The following DPP10 variants were observed in gnomAD, a reference collection of about 807,000 sequenced individuals.
DPP10 encodes the protein inactive dipeptidyl peptidase 10.
In DPP10, 33 loss-of-function variants were observed where a neutral mutation model predicts 120.9. That is an observed-to-expected ratio of 0.27 (90% CI 0.21 to 0.37). The LOEUF (loss-of-function observed/expected upper bound fraction) is 0.37. Ranked by LOEUF, DPP10 falls within the 10% of genes least tolerant of loss-of-function variation. The probability of loss-of-function intolerance (pLI) is 1.00; values close to 1 mark genes in which losing one functional copy is unlikely to be tolerated. For synonymous variants in DPP10, 337 were observed against 326.1 expected (o/e 1.03, Z -0.36); for missense variants, 816 against 942.8 (o/e 0.87, Z 1.76).
chr2:115,381,162 C>T (rs899703888), intron 3 of DPP10, among the ~76,000 whole-genome samples: 2 of 152,160 alleles, frequency 1.3e-5, no homozygotes, highest in Non-Finnish European at 2.9e-5. Flanking sequence ...CAACTTGGTT[C>T]CATTCTCCCC....
At chr2:115,791,001 G>A (rs574157762) in intron 17 of DPP10, 80 bp from the exon 18 acceptor site, 2 of 958,868 alleles carry the variant, frequency 2.1e-6, no homozygotes, top group Non-Finnish European at 1.6e-6. Flanking sequence ...GGTAACAAGT[G>A]GATAATTTTT....
chr2:114,472,845 G>A (rs1337030591), intron 1 of DPP10, among the ~76,000 whole-genome samples: 1 of 152,194 alleles, frequency 6.6e-6, no homozygotes, highest in Non-Finnish European at 1.5e-5. Context: ...AAGTAAGTTG[G>A]TGTAAAATCC....
chr2:115,211,207 GCTTA>G (rs1212823212), intron 1 of DPP10, among the ~76,000 whole-genome samples: 1 of 149,080 alleles, frequency 6.7e-6, no homozygotes, highest in African/African-American at 2.5e-5. Context: ...AAGTTGAGTT[GCTTA>G]CTTAGTTTCT....
chr2:115,152,873 C>T lies in DPP10; in HGVS notation c.61-156366C>T, dbSNP rs186029854. Among the ~76,000 whole-genome samples the T allele has an allele frequency of 9.9e-5, 15 of 152,204 alleles. No homozygotes were observed. In the East Asian group the frequency reaches 2.1e-3, roughly 22 times the overall value. ...GTTAACCCGCCAGGTTTATGGATGT[C>T]GGCAAAAGACATGAGACTGAGGGTC... On this transcript the variant is annotated intron_variant, in intron 1 of 25. Transcript: ENST00000410059.
intron 1 of DPP10, among the ~76,000 whole-genome samples, chr2:115,178,324 G>C (rs754102565): frequency 1.3e-5 from 2 of 152,126 alleles, no homozygotes; most frequent in African/African-American, 4.8e-5. Context: ...AGACAATCCA[G>C]GTTCAAAGCC....
chr2:115,055,616 C>T (rs1705837902), intron 1 of DPP10, among the ~76,000 whole-genome samples: 1 of 152,114 alleles, frequency 6.6e-6, no homozygotes, highest in South Asian at 2.1e-4. Context: ...ATTAATATCT[C>T]ATGAGCAAAC....
chr2:114,907,399 G>A (rs889199428), intron 1 of DPP10, among the ~76,000 whole-genome samples: 6 of 151,784 alleles, frequency 4.0e-5, no homozygotes, highest in African/African-American at 1.5e-4. Flanking sequence ...ACGCTATTTA[G>A]TTGGGATCTT....
intron 4 of DPP10, among the ~76,000 whole-genome samples, chr2:115,515,315 A>G (rs2077444794): frequency 1.3e-5 from 2 of 152,034 alleles, no homozygotes; most frequent in Admixed American, 1.3e-4. Flanking sequence ...AATCAAACCC[A>G]CCAATAGTGT....
chr2:114,517,430 G>A (rs1368868350), intron 1 of DPP10, among the ~76,000 whole-genome samples: 2 of 151,474 alleles, frequency 1.3e-5, no homozygotes, highest in African/African-American at 2.4e-5. Flanking sequence ...TGAGACAGGA[G>A]AATTGCTTGA....
At chr2:114,712,047 C>T (rs976415599) in intron 1 of DPP10, among the ~76,000 whole-genome samples, 1 of 152,108 alleles carries the variant, frequency 6.6e-6, no homozygotes, top group Non-Finnish European at 1.5e-5. Context: ...TGGCTGGGCA[C>T]GGTGGCTCAC....
intron 3 of DPP10, among the ~76,000 whole-genome samples, chr2:115,383,967 T>C (rs1319687916): frequency 6.6e-6 from 1 of 152,168 alleles, no homozygotes; most frequent in Non-Finnish European, 1.5e-5. Flanking sequence ...ATATAAAGTA[T>C]CTGTCTAACC....
intron 1 of DPP10, among the ~76,000 whole-genome samples, chr2:115,267,346 T>C (rs748669981): frequency 1.3e-5 from 2 of 152,170 alleles, no homozygotes; most frequent in African/African-American, 2.4e-5. Flanking sequence ...GCAAAGTATG[T>C]CCCTGTGCTT....
At chr2:115,064,483 G>A (rs117750977) in intron 1 of DPP10, 1 of 275,234 alleles carries the variant, frequency 3.6e-6, no homozygotes. Flanking sequence ...AGGAGACAGA[G>A]AGGATAATTT....
intron 1 of DPP10, among the ~76,000 whole-genome samples, chr2:114,723,901 G>A (rs922932244): frequency 1.3e-5 from 2 of 152,136 alleles, no homozygotes; most frequent in African/African-American, 4.8e-5. Context: ...AATGTTGGAA[G>A]TCACAGACTT....
intron 1 of DPP10, among the ~76,000 whole-genome samples, chr2:115,004,391 C>T (rs773411844): frequency 1.3e-5 from 2 of 152,192 alleles, no homozygotes. Context: ...GGAACAGCTC[C>T]GGTCTACAGC....
At chr2:115,336,446 G>C (rs569018937) in intron 2 of DPP10, among the ~76,000 whole-genome samples, 2 of 151,776 alleles carry the variant, frequency 1.3e-5, no homozygotes, top group African/African-American at 4.8e-5. Flanking sequence ...ATATTTATTT[G>C]GATTTTTGTG....
intron 1 of DPP10, chr2:114,461,835 A>G: frequency 1.0e-6 from 1 of 985,442 alleles, no homozygotes; most frequent in Non-Finnish European, 1.2e-6. Flanking sequence ...GATAGAAGAT[A>G]TCTTCAACCT....
intron 1 of DPP10, among the ~76,000 whole-genome samples, chr2:114,810,236 C>T (rs1395645084): frequency 6.6e-6 from 1 of 152,176 alleles, no homozygotes; most frequent in Non-Finnish European, 1.5e-5. Flanking sequence ...TGATTTCTAG[C>T]TAGAGTAATA....
intron 1 of DPP10, among the ~76,000 whole-genome samples, chr2:114,675,070 C>A (rs148235388): frequency 1.3e-5 from 2 of 152,102 alleles, no homozygotes; most frequent in African/African-American, 4.8e-5. Flanking sequence ...GTTTTCCCAA[C>A]GGCCTGTCTT....
Sources: allele counts gnomAD v4.1 joint callset (sites outside exome capture counted in the v4.1 genomes callset), GRCh38; gene constraint gnomAD v4.1.1; transcripts MANE v1.5; gene names NCBI Gene and HGNC (gene_info 2026-07-23, HGNC 2026-07-21).